The following ARHGEF26 variants were observed in gnomAD, a reference collection of about 807,000 sequenced individuals.
ARHGEF26 encodes the protein Rho guanine nucleotide exchange factor (GEF) 26.
ARHGEF26 carries 59 observed loss-of-function variants against 89.4 expected under a neutral mutation model. The observed-to-expected ratio is 0.66, with a 90% confidence interval of 0.54 to 0.82. The LOEUF is 0.82. Ranked by LOEUF, ARHGEF26 falls within the 40% of genes least tolerant of loss-of-function variation. The probability of loss-of-function intolerance (pLI) is 0.00; values close to 1 mark genes in which losing one functional copy is unlikely to be tolerated. For synonymous variants in ARHGEF26, 500 were observed against 428.4 expected, an observed-to-expected ratio of 1.17 and a Z score of -2.06; for missense variants, 1,234 against 1,085.6, an observed-to-expected ratio of 1.14 and a Z score of -1.92.
At chr3:154,159,242 C>T (rs1244998729) in intron 6 of ARHGEF26, among the ~76,000 whole-genome samples, 1 of 151,866 alleles carries the variant, frequency 6.6e-6, no homozygotes, top group Admixed American at 6.6e-5. Flanking sequence ...TTATTAGTAC[C>T]CTATAAAAAT....
chr3:154,221,605 TTATAG>T (rs1716136790), intron 10 of ARHGEF26, among the ~76,000 whole-genome samples: 1 of 152,122 alleles, frequency 6.6e-6, no homozygotes, highest in South Asian at 2.1e-4. Context: ...ATTAAATAAA[TTATAG>T]TATACGCAAA....
At chr3:154,178,762 A>G (rs922659287) in intron 6 of ARHGEF26, among the ~76,000 whole-genome samples, 6 of 152,232 alleles carry the variant, frequency 3.9e-5, no homozygotes, top group African/African-American at 1.4e-4. Context: ...TTGAAGGGTC[A>G]TATGGAAACT....
intron 10 of ARHGEF26, among the ~76,000 whole-genome samples, chr3:154,223,750 C>T (rs1005172135): frequency 2.6e-5 from 4 of 152,062 alleles, no homozygotes; most frequent in South Asian, 4.1e-4. Context: ...AATGAAAATG[C>T]TCTGGAATTA....
At chr3:154,198,713 A>T (rs365119) in intron 9 of ARHGEF26, among the ~76,000 whole-genome samples, 138,775 of 152,060 alleles carry the variant, frequency 0.91, 63,578 homozygotes, top group East Asian at 1. Context: ...ATTATGGACT[A>T]TGGGGACTTG....
At chr3:154,193,247 T>G (rs569205414) in intron 8 of ARHGEF26, among the ~76,000 whole-genome samples, 80 of 152,244 alleles carry the variant, frequency 5.3e-4, no homozygotes, top group Non-Finnish European at 4.8e-4. Context: ...ATTATGAGCA[T>G]ATGTACGTTG....
At chr3:154,201,880 G>A (rs1442645059) in intron 9 of ARHGEF26, among the ~76,000 whole-genome samples, 3 of 151,870 alleles carry the variant, frequency 2.0e-5, no homozygotes, top group Non-Finnish European at 2.9e-5. Context: ...ATTTGTTTGA[G>A]TTCATTGTAG....
At chr3:154,186,136 G>GACACACACACACACACACACACACAC (rs60675240) in intron 6 of ARHGEF26, among the ~76,000 whole-genome samples, 20 of 147,034 alleles carry the variant, frequency 1.4e-4, no homozygotes, top group Admixed American at 4.1e-4. Context: ...CACACACTTA[G>GACACACACACACACACACACACACAC]ACACACACAC....
intron 9 of ARHGEF26, among the ~76,000 whole-genome samples, chr3:154,204,569 A>G (rs958263179): frequency 4.6e-5 from 7 of 151,714 alleles, no homozygotes; most frequent in Admixed American, 2.0e-4. Context: ...GTCTCCAGTG[A>G]TCCCCCCGCC....
intron 5 of ARHGEF26, 33 bp from the exon 6 acceptor site, chr3:154,152,739 A>G (rs995447018): frequency 1.1e-5 from 16 of 1,401,548 alleles, no homozygotes; most frequent in African/African-American, 1.0e-4. Flanking sequence ...AATTAAAAGA[A>G]TTAATAATAC....
intron 9 of ARHGEF26, among the ~76,000 whole-genome samples, chr3:154,200,792 T>C (rs561656010): frequency 1.4e-3 from 206 of 152,074 alleles, no homozygotes; most frequent in Admixed American, 2.3e-3. Context: ...ATAGTTTTTC[T>C]TATAGAGATC....
At chr3:154,157,256 C>T (rs1299304068) in intron 6 of ARHGEF26, among the ~76,000 whole-genome samples, 2 of 152,138 alleles carry the variant, frequency 1.3e-5, no homozygotes, top group African/African-American at 2.4e-5. Context: ...GGCATCTCCC[C>T]AGGGGCCGTT....
chr3:154,137,721 A>C (rs183028787), intron 4 of ARHGEF26, among the ~76,000 whole-genome samples: 14 of 152,204 alleles, frequency 9.2e-5, no homozygotes, highest in African/African-American at 3.1e-4. Context: ...TCCTGCCTGT[A>C]ATCTCAGAAC....
chr3:154,201,642 T>C (rs910763963), intron 9 of ARHGEF26, among the ~76,000 whole-genome samples: 3 of 150,616 alleles, frequency 2.0e-5, no homozygotes, highest in African/African-American at 7.3e-5. Flanking sequence ...TGTTCCTATT[T>C]CTCCACATCC....
intron 6 of ARHGEF26, among the ~76,000 whole-genome samples, chr3:154,169,110 T>TGA (rs1712238843): frequency 6.6e-6 from 1 of 152,084 alleles, no homozygotes; most frequent in Non-Finnish European, 1.5e-5. Context: ...GAGGCTCAGA[T>TGA]GGAGGTAAAG....
chr3:154,215,908 AATTG>A (rs1353435986), intron 9 of ARHGEF26, among the ~76,000 whole-genome samples: 2 of 152,218 alleles, frequency 1.3e-5, no homozygotes, highest in Admixed American at 6.5e-5. Flanking sequence ...AGTCTGTAAT[AATTG>A]ATAAGTGAAA....
At chr3:154,173,538 A>G (rs566569817) in intron 6 of ARHGEF26, among the ~76,000 whole-genome samples, 2 of 152,288 alleles carry the variant, frequency 1.3e-5, no homozygotes, top group Admixed American at 6.5e-5. Flanking sequence ...ACAACCATAC[A>G]TTTGTCAACG....
chr3:154,206,072 C>T (rs575964059), intron 9 of ARHGEF26, among the ~76,000 whole-genome samples: 26 of 152,254 alleles, frequency 1.7e-4, no homozygotes, highest in Middle Eastern at 3.4e-3. Flanking sequence ...CAGGAAAGGT[C>T]TAGTGTTGAT....
intron 11 of ARHGEF26, among the ~76,000 whole-genome samples, chr3:154,235,365 CATAA>C (rs1380156757): frequency 6.6e-5 from 10 of 152,014 alleles, no homozygotes; most frequent in Non-Finnish European, 1.5e-4. Flanking sequence ...TGGGTTTTGT[CATAA>C]ATAAAGTGAC....
chr3:154,240,289 C>T, intron 11 of ARHGEF26, 81 bp from the exon 12 acceptor site: 2 of 1,070,328 alleles, frequency 1.9e-6, no homozygotes, highest in Middle Eastern at 3.1e-4. Context: ...TTGCTGTTTC[C>T]ACCAAAATGT....
Sources: gnomAD v4.1 joint callset for allele counts (sites outside exome capture counted in the v4.1 genomes callset) on GRCh38, gnomAD v4.1.1 for gene constraint, MANE v1.5 for transcripts, NCBI Gene and HGNC (gene_info 2026-07-23, HGNC 2026-07-21) for gene names.